The following GLE1 variants were observed in gnomAD, a reference collection of about 807,000 sequenced individuals.
The protein encoded by GLE1 is mRNA export factor GLE1.
A neutral mutation model predicts 97.3 loss-of-function variants in GLE1; 78 were observed. That is an observed-to-expected ratio of 0.80 (90% CI 0.67 to 0.97). The LOEUF (loss-of-function observed/expected upper bound fraction) is 0.97. GLE1 is among the 50% of genes least tolerant of loss of function. The pLI, the probability that GLE1 is intolerant of heterozygous loss-of-function variation, is 0.00. For missense variants in GLE1, 753 were observed against 857.5 expected (o/e 0.88, Z 1.52); for synonymous variants, 302 against 313.4 (o/e 0.96, Z 0.39).
At chr9:128,519,479 T>C (rs1011869676) in intron 3 of GLE1, among the ~76,000 whole-genome samples, 5 of 152,184 alleles carry the variant, frequency 3.3e-5, no homozygotes, top group South Asian at 2.1e-4. Context: ...ACTGTAGGGG[T>C]GACATAGACC....
At chr9:128,512,831 G>T (rs1380897588) in intron 2 of GLE1, among the ~76,000 whole-genome samples, 2 of 152,082 alleles carry the variant, frequency 1.3e-5, no homozygotes, top group Non-Finnish European at 2.9e-5. Context: ...GGCTAATTTT[G>T]TATTTTTCGT....
chr9:128,517,028 G>A (rs1429139845), intron 3 of GLE1, among the ~76,000 whole-genome samples: 1 of 152,020 alleles, frequency 6.6e-6, no homozygotes, highest in Non-Finnish European at 1.5e-5. Flanking sequence ...GGAGGCTCAT[G>A]CCCGTAATCC....
At chr9:128,531,525 C>CAA (rs78169276) in intron 9 of GLE1, among the ~76,000 whole-genome samples, 17 of 92,308 alleles carry the variant, frequency 1.8e-4, no homozygotes, top group East Asian at 3.1e-4. Context: ...GACTTCATCT[C>CAA]AAAAAAAAAA....
intron 2 of GLE1, among the ~76,000 whole-genome samples, chr9:128,513,907 A>G (rs367694374): frequency 6.6e-6 from 1 of 151,510 alleles, no homozygotes; most frequent in African/African-American, 2.4e-5. Context: ...AGTCCCAGCT[A>G]CTTGGGAGGC....
At chr9:128,519,419 G>A (rs1430039069) in intron 3 of GLE1, among the ~76,000 whole-genome samples, 2 of 152,196 alleles carry the variant, frequency 1.3e-5, no homozygotes, top group Admixed American at 6.5e-5. Context: ...GCGCCTGGGG[G>A]TAGGTCTATA....
At chr9:128,538,588 T>G (rs1052814906) in intron 13 of GLE1, among the ~76,000 whole-genome samples, 2 of 152,056 alleles carry the variant, frequency 1.3e-5, no homozygotes, top group Non-Finnish European at 2.9e-5. Context: ...CCTGAAGTCA[T>G]GAGTTCAAGA....
At chr9:128,523,534 G>T in intron 5 of GLE1, 58 bp from the exon 6 acceptor site, 1 of 1,604,178 alleles carries the variant, frequency 6.2e-7, no homozygotes, top group Non-Finnish European at 8.5e-7. Context: ...TTTGAGGACT[G>T]TAGAAAGAAG....
chr9:128,538,755 G>GT (rs146950150), intron 13 of GLE1, among the ~76,000 whole-genome samples: 1,872 of 152,222 alleles, frequency 0.012, 40 homozygotes, highest in African/African-American at 0.043. Context: ...GAGTGCATTA[G>GT]TGTGATCATA....
chr9:128,528,131 A>G (rs1444357899), intron 9 of GLE1, among the ~76,000 whole-genome samples: 1 of 145,112 alleles, frequency 6.9e-6, no homozygotes, highest in Admixed American at 7.0e-5. Context: ...CAGCCTTCTG[A>G]GTAGCTGGGA....
chr9:128,535,203 C>T (rs1031027007), intron 11 of GLE1, among the ~76,000 whole-genome samples: 3 of 151,606 alleles, frequency 2.0e-5, no homozygotes, highest in Admixed American at 1.3e-4. Context: ...TAGTGAGACC[C>T]TGTCTCTACA....
Position 128,539,789 on chromosome 9 carries a change from T to G in GLE1, c.1964+91T>G, listed in dbSNP as rs1182056589. On this transcript the variant is annotated intron_variant, in intron 14 of 15. Transcript: ENST00000309971. ...GGGTGCTATTACCTGCTGGTTTTGA[T>G]TCAAGTTAAAAACACCTGTACTAAG... The G allele has an allele frequency of 3.7e-6, 6 of 1,605,324 alleles. No homozygotes were observed. In the East Asian group the frequency reaches 1.3e-4, roughly 36 times the overall value.
intron 11 of GLE1, among the ~76,000 whole-genome samples, chr9:128,536,025 A>T (rs1242740884): frequency 6.6e-6 from 1 of 151,956 alleles, no homozygotes; most frequent in Non-Finnish European, 1.5e-5. Flanking sequence ...GCCTTGTCCC[A>T]GTGAATTTTT....
intron 2 of GLE1, among the ~76,000 whole-genome samples, chr9:128,510,738 A>C (rs1429603298): frequency 7.1e-6 from 1 of 140,374 alleles, no homozygotes; most frequent in Non-Finnish European, 1.5e-5. Flanking sequence ...CATGTTGTCC[A>C]GTCTGGTCTC....
At chr9:128,528,952 A>C (rs1847395373) in intron 9 of GLE1, 1 of 151,596 alleles carries the variant, frequency 6.6e-6, no homozygotes, top group African/African-American at 2.4e-5. Context: ...CAACTGGAAC[A>C]CTCCTCTGAC....
At chr9:128,507,441 A>C (rs557206706) in intron 1 of GLE1, among the ~76,000 whole-genome samples, 15 of 151,868 alleles carry the variant, frequency 9.9e-5, no homozygotes, top group Non-Finnish European at 1.6e-4. Flanking sequence ...AAAATTAACC[A>C]GGTGTGGTGG....
At chr9:128,510,234 CTT>C (rs778018874) in intron 2 of GLE1, among the ~76,000 whole-genome samples, 1 of 144,382 alleles carries the variant, frequency 6.9e-6, no homozygotes, top group Non-Finnish European at 1.5e-5. Context: ...TTTTCTTTTT[CTT>C]TTTTTTTTTT....
intron 4 of GLE1, 77 bp from the exon 5 acceptor site, chr9:128,523,203 G>A: frequency 9.5e-7 from 1 of 1,052,078 alleles, no homozygotes; most frequent in Non-Finnish European, 1.5e-6. Context: ...AGGGCAGGGA[G>A]AGGGAGAGAA....
Position 128,504,788 on chromosome 9 carries a change from G to T in GLE1, c.-18G>T. On this transcript the variant is annotated 5_prime_UTR_variant, in exon 1 of 16. Transcript: ENST00000309971. ...TGGTCAGAAGGGGGGCGTCAGAGAA[G>T]CTGCCCCTTAGCCAACCATGCCGTC... The T allele has an allele frequency of 6.5e-7, 1 of 1,542,416 alleles. No homozygotes were observed. The highest frequency in any genetic ancestry group is 9.0e-7 in the Non-Finnish European group (1 of 1,115,044).
chr9:128,507,363 C>G (rs1327609615), intron 1 of GLE1, among the ~76,000 whole-genome samples: 1 of 152,072 alleles, frequency 6.6e-6, no homozygotes, highest in Non-Finnish European at 1.5e-5. Context: ...GGGCAGATCA[C>G]TTGAGCCCAG....
Sources: allele counts gnomAD v4.1 joint callset (sites outside exome capture counted in the v4.1 genomes callset), GRCh38; gene constraint gnomAD v4.1.1; transcripts MANE v1.5; gene names NCBI Gene and HGNC (gene_info 2026-07-23, HGNC 2026-07-21).